Variants in TERB1 observed in about 807,000 individuals in gnomAD.
TERB1 encodes telomere repeat binding bouquet formation protein 1, also known as telomere repeats-binding bouquet formation protein 1.
TERB1 carries 63 observed loss-of-function variants against 92.3 expected under a neutral mutation model. That is an observed-to-expected ratio of 0.68 (90% confidence interval 0.56 to 0.84). The LOEUF (loss-of-function observed/expected upper bound fraction) is 0.84, where lower values mean the gene tolerates loss of function less well. Ranked by LOEUF, TERB1 falls within the 40% of genes least tolerant of loss-of-function variation. TERB1 has a pLI of 0.00. For synonymous variants in TERB1, 252 were observed against 283.9 expected (o/e 0.89, Z 1.13); for missense variants, 709 against 843.7 (o/e 0.84, Z 1.98).
chr16:66,774,343 GC>G (rs1223971356), intron 12 of TERB1, among the ~76,000 whole-genome samples: 2 of 151,604 alleles, frequency 1.3e-5, no homozygotes, highest in African/African-American at 4.9e-5. Context: ...CTGCCAACAC[GC>G]CCGGCTAATT....
chr16:66,784,740 A>T (rs1234887969), intron 9 of TERB1, among the ~76,000 whole-genome samples: 3 of 139,154 alleles, frequency 2.2e-5, no homozygotes, highest in African/African-American at 2.8e-5. Context: ...GATTTCTTTT[A>T]ATTTTTAATT....
intron 3 of TERB1, among the ~76,000 whole-genome samples, chr16:66,795,832 T>C (rs1306323794): frequency 1.3e-5 from 2 of 152,232 alleles, no homozygotes; most frequent in East Asian, 3.9e-4. Flanking sequence ...CACTGTAGCC[T>C]TGACCTCCCA....
intron 13 of TERB1, among the ~76,000 whole-genome samples, chr16:66,771,600 C>G (rs763244854): frequency 4.0e-5 from 6 of 151,012 alleles, no homozygotes; most frequent in Non-Finnish European, 7.4e-5. Flanking sequence ...GTGAACTGTA[C>G]GGTATGTGAA....
chr16:66,767,295 C>T (rs1042566752), intron 16 of TERB1, 120 bp downstream of exon 16: 8 of 583,900 alleles, frequency 1.4e-5, no homozygotes, highest in South Asian at 8.6e-5. Context: ...GCCAAGATCG[C>T]GCCACTGCAC....
intron 11 of TERB1, 117 bp downstream of exon 11, chr16:66,777,086 T>G: frequency 1.2e-5 from 11 of 950,838 alleles, no homozygotes; most frequent in Non-Finnish European, 1.7e-5. Flanking sequence ...GAGGTCTGAA[T>G]GACTAGGAGA....
At chr16:66,777,799 A>G (rs2018573407) in intron 10 of TERB1, among the ~76,000 whole-genome samples, 1 of 152,180 alleles carries the variant, frequency 6.6e-6, no homozygotes, top group South Asian at 2.1e-4. Flanking sequence ...TGACTTACTG[A>G]TGCAATGAAG....
At chr16:66,765,602 C>T (rs1567467027) in intron 16 of TERB1, among the ~76,000 whole-genome samples, 1 of 151,828 alleles carries the variant, frequency 6.6e-6, no homozygotes, top group Non-Finnish European at 1.5e-5. Flanking sequence ...GGATTACTGG[C>T]TCATGCTGCC....
At chr16:66,761,383 CAG>C (rs2018245818) in intron 16 of TERB1, among the ~76,000 whole-genome samples, 1 of 139,360 alleles carries the variant, frequency 7.2e-6, no homozygotes, top group Non-Finnish European at 1.5e-5. Context: ...ACCTGGAAGG[CAG>C]AGGTTGCAGT....
At chr16:66,784,407 C>A (rs1045325576) in intron 9 of TERB1, among the ~76,000 whole-genome samples, 1 of 151,586 alleles carries the variant, frequency 6.6e-6, no homozygotes, top group Non-Finnish European at 1.5e-5. Context: ...TCTTGGCTCA[C>A]TGCAAGCCCT....
rs1356395764 is a variant in TERB1 at position 66,758,794 on chromosome 16, A to T, written c.1975T>A (p.Ser659Thr). The T allele has an allele frequency of 2.6e-6, 4 of 1,534,184 alleles. No homozygotes were observed. In the African/African-American group the frequency reaches 4.1e-5, roughly 16 times the overall value. Residue 659 changes from serine (S) to threonine (T), a missense_variant, in exon 18 of 19, where the codon TCT becomes ACT. Transcript: ENST00000433154. ...PRRRQRLSNE[S>T]TTPGGIKKRR... Reference sequence around the variant, plus strand: ...TCACTTATTCCTCCAGGGGTAGTAGATTCATTACTGAGTCGTTGTCTTCTA... The same window carrying T: ...TCACTTATTCCTCCAGGGGTAGTAGTTTCATTACTGAGTCGTTGTCTTCTA...
At position 66,759,269 on chromosome 16, in the gene TERB1, G is replaced by A. The variant is rs2018189639; in HGVS notation, c.1802C>T (p.Ser601Phe). ...CTTGCTAAAGTTTCGGCTATTCAGG[G>A]ATTTTTCTACTGCTATGCAACCTAA... Reference protein sequence around the residue: ...RCSGCIAVEKSLNSRNFSKLL... With the variant: ...RCSGCIAVEKFLNSRNFSKLL... The change falls in exon 17 of 19, where the codon TCC becomes TTC. Residue 601 changes from serine to phenylalanine, a missense_variant. Coordinates refer to ENST00000433154, the MANE Select transcript of TERB1 (RefSeq NM_001136505.2). The A allele has an allele frequency of 6.5e-7, 1 of 1,541,236 alleles. No individual in the cohort carries two copies.
rs1192911980 is a variant in TERB1 at position 66,777,233 on chromosome 16, G to T, written c.955C>A (p.Leu319Ile). The part of the protein sequence containing the change: ...LDSGEKFSIM[L>I]TLGHCTEDCE... ...TCCTCTGTGCAATGACCAAGAGTAA[G>T]CATGATGCTAAATTTTTCTCCTGAA... is the stretch of plus-strand genomic sequence containing the variant. The change falls in exon 11 of 19, where the codon CTT becomes ATT. Residue 319 changes from leucine (L) to isoleucine (I), a missense_variant. Transcript: ENST00000433154. 1 of 1,550,980 alleles carries T rather than the reference G, an allele frequency of 6.4e-7. No homozygotes were observed. The highest frequency in any genetic ancestry group is 8.7e-7 in the Non-Finnish European group (1 of 1,146,510).
chr16:66,759,522 G>A (rs1301424682), intron 16 of TERB1, among the ~76,000 whole-genome samples: 4 of 152,118 alleles, frequency 2.6e-5, no homozygotes, highest in East Asian at 1.9e-4. Context: ...CATCTAGGCC[G>A]GCCACGGTGG....
chr16:66,780,768 T>C (rs1017941133), intron 9 of TERB1, among the ~76,000 whole-genome samples: 1 of 152,204 alleles, frequency 6.6e-6, no homozygotes, highest in African/African-American at 2.4e-5. Flanking sequence ...CCTATAACTA[T>C]CACTCATTAA....
At chr16:66,778,166 T>A (rs1481790528) in intron 10 of TERB1, among the ~76,000 whole-genome samples, 1 of 152,264 alleles carries the variant, frequency 6.6e-6, no homozygotes, top group Non-Finnish European at 1.5e-5. Flanking sequence ...TGGGTAAATC[T>A]GACCTCATAC....
intron 10 of TERB1, among the ~76,000 whole-genome samples, chr16:66,777,579 A>G (rs144048257): frequency 6.6e-6 from 1 of 152,210 alleles, no homozygotes; most frequent in Admixed American, 6.5e-5. Flanking sequence ...TACTAAAGAC[A>G]TATTACTAAA....
intron 16 of TERB1, among the ~76,000 whole-genome samples, chr16:66,761,143 GAAAAAAGAAAAT>G (rs2018239778): frequency 7.9e-5 from 11 of 139,986 alleles, no homozygotes; most frequent in African/African-American, 2.1e-4. Flanking sequence ...AAAAGAAAAA[GAAAAAAGAAAAT>G]AAAAAGAGCA....
chr16:66,779,142 GAACTAA>G (rs1313151652), intron 9 of TERB1, 127 bp from the exon 10 acceptor site: 1 of 648,938 alleles, frequency 1.5e-6, no homozygotes, highest in African/African-American at 1.9e-5. Context: ...CAAAATTAAA[GAACTAA>G]AAATCCAATC....
At chr16:66,787,834 C>A (rs1179139723) in intron 6 of TERB1, among the ~76,000 whole-genome samples, 1 of 152,162 alleles carries the variant, frequency 6.6e-6, no homozygotes. Context: ...AGCAGTGGCT[C>A]ACGCCTGTAA....
Sources: gnomAD v4.1 joint callset for allele counts (sites outside exome capture counted in the v4.1 genomes callset) on GRCh38, gnomAD v4.1.1 for gene constraint, MANE v1.5 for transcripts, NCBI Gene and HGNC (gene_info 2026-07-23, HGNC 2026-07-21) for gene names.